Variants in NELL2 observed in about 807,000 individuals in gnomAD.
NELL2 encodes protein kinase C-binding protein NELL2.
Under a neutral mutation model 109.6 loss-of-function variants are expected in NELL2, and 41 were observed. The ratio of observed to expected loss-of-function variants is 0.37; its 90% CI spans 0.29 to 0.49. The LOEUF is 0.49. NELL2 is among the 20% of genes least tolerant of loss of function. The pLI is 0.98. For missense variants in NELL2, 900 were observed against 1,008.3 expected (o/e 0.89, Z 1.45); for synonymous variants, 355 against 344.7 (o/e 1.03, Z -0.33).
chr12:44,876,924 C>A, upstream of NELL2: 1 of 1,226,436 alleles, frequency 8.2e-7, no homozygotes, highest in Non-Finnish European at 1.0e-6. Context: ...GGGGGCGGGG[C>A]GCTGGAGAGC....
chr12:44,535,492 CAGTT>C (rs1942256758), intron 15 of NELL2, among the ~76,000 whole-genome samples: 3 of 151,950 alleles, frequency 2.0e-5, no homozygotes, highest in African/African-American at 4.8e-5. Context: ...TTTCTGCCCT[CAGTT>C]AGTTTATCAT....
chr12:44,870,899 A>G (rs2136833145), intron 2 of NELL2, among the ~76,000 whole-genome samples: 1 of 152,332 alleles, frequency 6.6e-6, no homozygotes, highest in Admixed American at 6.5e-5. Flanking sequence ...ATGAACATCT[A>G]TGCAGGACCA....
chr12:44,829,614 T>C (rs1368145204), intron 2 of NELL2, among the ~76,000 whole-genome samples: 2 of 152,326 alleles, frequency 1.3e-5, no homozygotes, highest in South Asian at 4.1e-4. Flanking sequence ...GAGCTTTCAC[T>C]GGTCTTATCT....
At chr12:44,749,568 AT>A (rs530562216) in intron 9 of NELL2, among the ~76,000 whole-genome samples, 17 of 152,102 alleles carry the variant, frequency 1.1e-4, no homozygotes, top group Non-Finnish European at 2.4e-4. Context: ...AGAAGAAACT[AT>A]TTTGTCACCT....
At chr12:44,803,558 C>A (rs1193790232) in intron 3 of NELL2, among the ~76,000 whole-genome samples, 1 of 151,926 alleles carries the variant, frequency 6.6e-6, no homozygotes, top group Non-Finnish European at 1.5e-5. Flanking sequence ...TGGTGAAGTT[C>A]TTTGTAATAT....
At chr12:44,876,327 C>G (rs1003145056), upstream of NELL2, 3 of 1,164,012 alleles carry the variant, frequency 2.6e-6, no homozygotes, top group African/African-American at 1.6e-5. Flanking sequence ...GAGAAAGCTC[C>G]GGGAGACGCG....
In NELL2 at chr12:44,686,670, G is replaced by A. The variant is rs7958083; in HGVS notation, c.1318+17056C>T. ...CAGCTGCAGGTCTGTTGGAGTACCC[G>A]GCCGTGTGAGGTGTCAGTCTGCCCC... On this transcript the variant is annotated intron_variant, in intron 12 of 19. Coordinates refer to ENST00000429094, the MANE Select transcript of NELL2 (RefSeq NM_001145108.2). Among the ~76,000 whole-genome samples, 9 of 148,252 alleles carry A rather than the reference G, an allele frequency of 6.1e-5. 2 individuals carry two copies. Among genetic ancestry groups the A allele is most frequent in the East Asian group, 1.9e-4 (1 of 5,164 alleles).
intron 9 of NELL2, among the ~76,000 whole-genome samples, chr12:44,716,688 C>A (rs982369316): frequency 2.0e-5 from 3 of 152,012 alleles, no homozygotes; most frequent in African/African-American, 7.2e-5. Context: ...TTTCTTACAT[C>A]TATTCAGTAC....
chr12:44,876,872 G>A (rs2136851428), upstream of NELL2: 1 of 1,292,274 alleles, frequency 7.7e-7, no homozygotes, highest in African/African-American at 1.5e-5. Flanking sequence ...CGGATGGCGA[G>A]CCTGGGAAGC....
intron 19 of NELL2, among the ~76,000 whole-genome samples, chr12:44,514,313 A>G (rs1425000217): frequency 6.6e-6 from 1 of 151,892 alleles, no homozygotes; most frequent in Non-Finnish European, 1.5e-5. Flanking sequence ...AGACTCCAAT[A>G]TGTAAGAAGA....
intron 9 of NELL2, among the ~76,000 whole-genome samples, chr12:44,724,559 G>GA (rs1477995794): frequency 6.6e-6 from 1 of 151,768 alleles, no homozygotes; most frequent in Non-Finnish European, 1.5e-5. Context: ...GAAAGTGAAA[G>GA]ACCTCTACCA....
At chr12:44,637,270 A>G (rs1946674181) in intron 13 of NELL2, among the ~76,000 whole-genome samples, 1 of 151,164 alleles carries the variant, frequency 6.6e-6, no homozygotes, top group Non-Finnish European at 1.5e-5. Context: ...GATCTTAGTT[A>G]TTTCTTGTCT....
chr12:44,855,120 CTA>C (rs1944646563), intron 2 of NELL2, among the ~76,000 whole-genome samples: 3 of 152,150 alleles, frequency 2.0e-5, no homozygotes. Context: ...GTATGTATTT[CTA>C]TACTTATATC....
At chr12:44,688,767 G>A (rs1390437803) in intron 12 of NELL2, among the ~76,000 whole-genome samples, 4 of 152,142 alleles carry the variant, frequency 2.6e-5, no homozygotes, top group African/African-American at 4.8e-5. Context: ...ATAGTTGGCT[G>A]CACACATAAA....
intron 1 of NELL2, among the ~76,000 whole-genome samples, chr12:44,900,323 C>T (rs946323947): frequency 3.3e-5 from 5 of 152,106 alleles, no homozygotes; most frequent in African/African-American, 1.2e-4. Context: ...TTCTCAGCAC[C>T]ACATCACACT....
At chr12:44,615,456 C>G (rs1011347717) in intron 13 of NELL2, among the ~76,000 whole-genome samples, 1 of 151,990 alleles carries the variant, frequency 6.6e-6, no homozygotes, top group African/African-American at 2.4e-5. Context: ...ATTTTCATAA[C>G]AGAAAATTAA....
intron 2 of NELL2, among the ~76,000 whole-genome samples, chr12:44,863,428 T>C (rs148577054): frequency 6.6e-6 from 1 of 152,090 alleles, no homozygotes; most frequent in African/African-American, 2.4e-5. Context: ...AAATCACATA[T>C]AAAGGAGTTC....
intron 13 of NELL2, among the ~76,000 whole-genome samples, chr12:44,640,537 A>G (rs1169839471): frequency 6.6e-6 from 1 of 152,196 alleles, no homozygotes. Flanking sequence ...ATCAATATGC[A>G]TGTGATCAGT....
intron 9 of NELL2, among the ~76,000 whole-genome samples, chr12:44,735,604 C>T (rs1031755384): frequency 1.3e-5 from 2 of 152,192 alleles, no homozygotes; most frequent in Admixed American, 1.3e-4. Flanking sequence ...GTCCCCTTTG[C>T]CCCAGAAATT....
Sources: gnomAD v4.1 joint callset for allele counts (sites outside exome capture counted in the v4.1 genomes callset) on GRCh38, gnomAD v4.1.1 for gene constraint, MANE v1.5 for transcripts, NCBI Gene and HGNC (gene_info 2026-07-23, HGNC 2026-07-21) for gene names.